The following LRRIQ1 variants were observed in gnomAD, a reference collection of about 807,000 sequenced individuals.
LRRIQ1 encodes the protein leucine-rich repeat- and IQ domain-containing protein 1.
In LRRIQ1, 210 loss-of-function variants were observed where a neutral mutation model predicts 211.9. The ratio of observed to expected loss-of-function variants is 0.99; its 90% CI spans 0.89 to 1.11. The LOEUF (loss-of-function observed/expected upper bound fraction) is 1.11. LRRIQ1 is among the 50% of genes most tolerant of loss of function. The pLI is 0.00. For missense variants in LRRIQ1, 2,136 were observed against 1,939.5 expected, an observed-to-expected ratio of 1.10 and a Z score of -1.90; for synonymous variants, 699 against 650.1, an observed-to-expected ratio of 1.08 and a Z score of -1.14.
At chr12:85,255,037 T>G (rs1441562493) in intron 1 of LRRIQ1, among the ~76,000 whole-genome samples, 1 of 151,886 alleles carries the variant, frequency 6.6e-6, no homozygotes, top group Non-Finnish European at 1.5e-5. Context: ...TTCTAACTTA[T>G]GAATTGAAAG....
At chr12:85,243,384 T>C (rs7964839) in intron 26 of LRRIQ1, among the ~76,000 whole-genome samples, 33,814 of 147,474 alleles carry the variant, frequency 0.23, 9,996 homozygotes, top group African/African-American at 0.69. Context: ...TGTGCACATA[T>C]AAATCACAAG....
intron 24 of LRRIQ1, among the ~76,000 whole-genome samples, chr12:85,186,610 A>T (rs1892240075): frequency 6.6e-6 from 1 of 152,152 alleles, no homozygotes; most frequent in Non-Finnish European, 1.5e-5. Context: ...CATCTCTCCG[A>T]GTACTTTAAT....
chr12:85,269,342 T>C (rs1160100362), downstream of LRRIQ1, among the ~76,000 whole-genome samples: 6 of 152,122 alleles, frequency 3.9e-5, no homozygotes, highest in African/African-American at 1.4e-4. Flanking sequence ...TAATTATTGG[T>C]GTATTTTGAA....
chr12:85,159,486 A>G (rs535978306), intron 23 of LRRIQ1: 1 of 152,134 alleles, frequency 6.6e-6, no homozygotes, highest in South Asian at 2.1e-4. Context: ...GTACAGTACT[A>G]CTAGTACTTC....
At chr12:85,260,848 G>A (rs887392015) in intron 1 of LRRIQ1, among the ~76,000 whole-genome samples, 3 of 152,142 alleles carry the variant, frequency 2.0e-5, no homozygotes, top group Admixed American at 6.6e-5. Flanking sequence ...TAAGTAGAAG[G>A]AGGATAGGTT....
intron 1 of LRRIQ1, among the ~76,000 whole-genome samples, chr12:85,255,263 T>C (rs1025564487): frequency 3.6e-4 from 55 of 151,862 alleles, no homozygotes; most frequent in African/African-American, 1.3e-3. Flanking sequence ...GTAATACTGT[T>C]AATTAACTGG....
At chr12:85,083,981 A>T (rs1884565020) in intron 11 of LRRIQ1, among the ~76,000 whole-genome samples, 1 of 152,146 alleles carries the variant, frequency 6.6e-6, no homozygotes, top group South Asian at 2.1e-4. Flanking sequence ...GAAAGCAGAG[A>T]TTCTGTCTTG....
intron 26 of LRRIQ1, among the ~76,000 whole-genome samples, chr12:85,233,223 T>C (rs1170879894): frequency 6.6e-6 from 1 of 152,032 alleles, no homozygotes; most frequent in Non-Finnish European, 1.5e-5. Context: ...TTCAACATAA[T>C]GATCAGAATA....
At chr12:85,256,034 T>C (rs1647983780) in intron 1 of LRRIQ1, among the ~76,000 whole-genome samples, 1 of 151,718 alleles carries the variant, frequency 6.6e-6, no homozygotes, top group South Asian at 2.1e-4. Flanking sequence ...AACAACATTC[T>C]AAGACAGTTA....
At chr12:85,101,233 T>A (rs528718640) in intron 13 of LRRIQ1, among the ~76,000 whole-genome samples, 3 of 151,968 alleles carry the variant, frequency 2.0e-5, no homozygotes, top group Admixed American at 1.3e-4. Context: ...ATGCTTTTTT[T>A]CCCAACAAAT....
chr12:85,047,468 A>C lies in LRRIQ1; in HGVS notation c.676A>C (p.Lys226Gln). ...VEKKKLENIQ[K>Q]QEQDKMNDEL... ...AAAGAAGAAATTAGAGAACATTCAGAAGGTATTTTGCTTTTGTTTTTCATG... is the reference window on the plus strand; with the variant it reads ...AAAGAAGAAATTAGAGAACATTCAGCAGGTATTTTGCTTTTGTTTTTCATG... The change falls in exon 6 of 27, where the codon AAG becomes CAG. Residue 226 changes from lysine to glutamine, a missense_variant and splice_region_variant. By Grantham distance (53) the Lys-to-Gln change is moderately conservative (BLOSUM62 1). Transcript: ENST00000393217. 1 of 1,609,688 alleles carries C rather than the reference A, an allele frequency of 6.2e-7. No homozygotes were observed. Among genetic ancestry groups the C allele is most frequent in the Middle Eastern group, 1.7e-4 (1 of 5,908 alleles).
intron 15 of LRRIQ1, among the ~76,000 whole-genome samples, chr12:85,115,516 A>G (rs968203310): frequency 2.5e-4 from 38 of 152,202 alleles, no homozygotes; most frequent in African/African-American, 9.2e-4. Flanking sequence ...TCATTTGGAA[A>G]CTTTTTATAT....
At chr12:85,060,223 G>A (rs1881626837) in intron 8 of LRRIQ1, among the ~76,000 whole-genome samples, 2 of 151,838 alleles carry the variant, frequency 1.3e-5, no homozygotes, top group Admixed American at 6.6e-5. Context: ...CAAATGGATT[G>A]TTTTCGAGGG....
intron 11 of LRRIQ1, among the ~76,000 whole-genome samples, chr12:85,087,010 T>G (rs1592767784): frequency 6.6e-6 from 1 of 151,966 alleles, no homozygotes; most frequent in African/African-American, 2.4e-5. Flanking sequence ...TTGTTACATA[T>G]GTATACATGT....
intron 24 of LRRIQ1, among the ~76,000 whole-genome samples, chr12:85,182,173 T>C (rs1275220678): frequency 6.6e-6 from 1 of 152,100 alleles, no homozygotes; most frequent in Non-Finnish European, 1.5e-5. Flanking sequence ...GTACCATTTC[T>C]TCAAAGAAGG....
chr12:85,220,361 C>G (rs920804044), intron 24 of LRRIQ1, among the ~76,000 whole-genome samples: 3 of 151,944 alleles, frequency 2.0e-5, no homozygotes, highest in Admixed American at 1.3e-4. Context: ...GAATCTTAAT[C>G]TCCCTCACTT....
At chr12:85,166,118 G>A (rs1446770628) in intron 24 of LRRIQ1, among the ~76,000 whole-genome samples, 4 of 152,052 alleles carry the variant, frequency 2.6e-5, no homozygotes, top group African/African-American at 9.7e-5. Flanking sequence ...CATAAATTAA[G>A]TCACTTTCCT....
chr12:85,192,566 A>G (rs1400217737), intron 24 of LRRIQ1, among the ~76,000 whole-genome samples: 1 of 116,008 alleles, frequency 8.6e-6, no homozygotes, highest in African/African-American at 3.6e-5. Context: ...TAATATAATT[A>G]TATATAAATA....
chr12:85,098,619 T>C, intron 12 of LRRIQ1, 71 bp downstream of exon 12: 1 of 1,239,748 alleles, frequency 8.1e-7, no homozygotes, highest in Non-Finnish European at 1.1e-6. Context: ...ACCAATCACA[T>C]ATTAAAAGCA....
Sources: gnomAD v4.1 joint callset for allele counts (sites outside exome capture counted in the v4.1 genomes callset) on GRCh38, gnomAD v4.1.1 for gene constraint, MANE v1.5 for transcripts, NCBI Gene and HGNC (gene_info 2026-07-23, HGNC 2026-07-21) for gene names.